Variants in ATP2C1 observed in about 807,000 individuals in gnomAD.
The protein encoded by ATP2C1 is calcium-transporting ATPase type 2C member 1.
A neutral mutation model predicts 120.5 loss-of-function variants in ATP2C1; 31 were observed. That is an observed-to-expected ratio of 0.26 (90% confidence interval 0.19 to 0.35). The LOEUF (loss-of-function observed/expected upper bound fraction) is 0.35, where lower values mean the gene tolerates loss of function less well. Among genes scored for constraint, ATP2C1 ranks in the 10% least tolerant of loss-of-function variants. The probability of loss-of-function intolerance (pLI) is 1.00; values close to 1 mark genes in which losing one functional copy is unlikely to be tolerated. For missense variants in ATP2C1, 731 were observed against 1,107.5 expected, an observed-to-expected ratio of 0.66 and a Z score of 4.83; for synonymous variants, 351 against 358.7, an observed-to-expected ratio of 0.98 and a Z score of 0.24.
exon 1 of ATP2C1, chr3:130,850,775 T>G (rs1462002869): frequency 1.1e-6 from 1 of 914,894 alleles, no homozygotes; most frequent in Non-Finnish European, 1.5e-6. Context: ...TTTCATATGG[T>G]TGCTGACAAG....
At chr3:130,990,995 T>G (rs1454896242) in intron 20 of ATP2C1, among the ~76,000 whole-genome samples, 3 of 152,172 alleles carry the variant, frequency 2.0e-5, no homozygotes, top group Admixed American at 6.5e-5. Context: ...AAGAAATGTC[T>G]GGGCTTGAGA....
Position 130,953,827 on chromosome 3 carries a change from G to T in ATP2C1, c.538G>T (p.Asp180Tyr), listed in dbSNP as rs1481194953. 3.1e-6 allele frequency: 5 copies of T among 1,613,986 alleles called. No homozygotes were observed. Among genetic ancestry groups the T allele is most frequent in the Non-Finnish European group, 3.4e-6 (4 of 1,179,920 alleles). Reference protein sequence around the residue: ...PADLRLFEAVDLSIDESSLTG... With the variant: ...PADLRLFEAVYLSIDESSLTG... Reference sequence around the variant, plus strand: ...ATTCTTTATGTTCCCTAAGGCTGTGGATCTTTCCATTGATGAGTCCAGCTT... The same window carrying T: ...ATTCTTTATGTTCCCTAAGGCTGTGTATCTTTCCATTGATGAGTCCAGCTT... The change falls in exon 9 of 28, where the codon GAT becomes TAT. Residue 180 changes from aspartate (D) to tyrosine (Y), a missense_variant. Asp to Tyr is a radical substitution (Grantham distance 160, BLOSUM62 -3). This residue lies in a region of ATP2C1 where 571 missense variants were observed against 845.9 expected (regional missense o/e 0.67). Transcript: ENST00000510168.
At chr3:130,877,068 T>A (rs773021372) in intron 1 of ATP2C1, among the ~76,000 whole-genome samples, 9 of 152,224 alleles carry the variant, frequency 5.9e-5, no homozygotes, top group Non-Finnish European at 1.0e-4. Flanking sequence ...ACAATTTGAC[T>A]TCCTGTTTTT....
Position 130,903,449 on chromosome 3 carries a change from G to T in ATP2C1, c.6+8674G>T, listed in dbSNP as rs534636457. Among the ~76,000 whole-genome samples the T allele has an allele frequency of 2.2e-4, 34 of 151,906 alleles. 1 individual carries two copies. Among genetic ancestry groups the T allele is most frequent in the Non-Finnish European group, 4.4e-4 (30 of 67,908 alleles). ...AGTTATTTAGGTCTGGAAGCACAGG[G>T]TGTTAAGAATGCCACCATAATGTCT... On this transcript the variant is annotated intron_variant, in intron 2 of 27. Coordinates refer to ENST00000510168, the MANE Select transcript of ATP2C1 (RefSeq NM_001378687.1).
chr3:130,910,384 C>T (rs1164674421), intron 2 of ATP2C1, among the ~76,000 whole-genome samples: 3 of 144,688 alleles, frequency 2.1e-5, no homozygotes, highest in Admixed American at 6.9e-5. Context: ...ACAATCATGT[C>T]GTCTGCAAAC....
At chr3:130,982,967 T>C (rs16835474) in intron 20 of ATP2C1, among the ~76,000 whole-genome samples, 9,461 of 152,260 alleles carry the variant, frequency 0.062, 945 homozygotes, top group African/African-American at 0.21. Context: ...TATACTGTTA[T>C]AATTCTGAAC....
In ATP2C1 at chr3:130,948,775, A is replaced by G. The variant is rs971874339; in HGVS notation, c.532-5046A>G. 9.9e-5 allele frequency among the ~76,000 whole-genome samples: 15 copies of G among 152,132 alleles called. 1 individual carries two copies. In the South Asian group the frequency reaches 1.2e-3, roughly 13 times the overall value. ...CTGTTGGCACCATTTTTCCAACAGC[A>G]TGGTGCTTACTTTGTATCTCTGTGT... On this transcript the variant is annotated intron_variant, in intron 8 of 27. Coordinates refer to ENST00000510168, the MANE Select transcript of ATP2C1 (RefSeq NM_001378687.1).
At chr3:130,902,757 C>T (rs1036275979) in intron 2 of ATP2C1, among the ~76,000 whole-genome samples, 1 of 151,816 alleles carries the variant, frequency 6.6e-6, no homozygotes, top group Non-Finnish European at 1.5e-5. Context: ...TTTTTAGGGT[C>T]TTCATTAGGT....
At chr3:130,905,930 A>G (rs1373389110) in intron 2 of ATP2C1, among the ~76,000 whole-genome samples, 3 of 152,054 alleles carry the variant, frequency 2.0e-5, no homozygotes, top group African/African-American at 7.2e-5. Context: ...CATAACTGTC[A>G]GTGCTTGAAA....
In ATP2C1 at chr3:130,955,024, G is replaced by C; in HGVS notation, c.700G>C (p.Gly234Arg). 1.2e-5 allele frequency: 19 copies of C among 1,612,254 alleles called. No homozygotes were observed. The highest frequency in any genetic ancestry group is 1.6e-5 in the Non-Finnish European group (19 of 1,178,632). The change falls in exon 10 of 28, where the codon GGA becomes CGA. Residue 234 changes from glycine (G) to arginine (R), a missense_variant. Physicochemically the swap from Gly to Arg is moderately radical, Grantham distance 125 (BLOSUM62 -2). Coordinates refer to ENST00000510168, the MANE Select transcript of ATP2C1 (RefSeq NM_001378687.1). ...RCGKAKGVVI[G>R]TGENSEFGEV... The stretch of plus-strand genomic sequence containing the variant: ...TTTTTCCCCTTAGGGTGTTGTCATT[G>C]GAACAGGAGAAAATTCTGAATTTGG...
At chr3:130,918,587 G>A in intron 2 of ATP2C1, 1 of 718,078 alleles carries the variant, frequency 1.4e-6, no homozygotes. Flanking sequence ...GCCATAAACT[G>A]TAGCCTTTTG....
chr3:131,001,380 A>C lies in ATP2C1; in HGVS notation c.*30A>C. 1 of 1,609,000 alleles carries C rather than the reference A, an allele frequency of 6.2e-7. No individual in the cohort carries two copies. The highest frequency in any genetic ancestry group is 8.5e-7 in the Non-Finnish European group (1 of 1,177,114). ...TATTGCATTATTTTATTTGCAAACTAGGAATTGCAGTCTGAGGATCATTTA... is the reference window on the plus strand; with the variant it reads ...TATTGCATTATTTTATTTGCAAACTCGGAATTGCAGTCTGAGGATCATTTA... On this transcript the variant is annotated 3_prime_UTR_variant, in exon 28 of 28. Transcript: ENST00000510168.
At chr3:131,006,635 TTGTGTGTGTGTGTGTGTGTG>T (rs3073260), downstream of ATP2C1, among the ~76,000 whole-genome samples, 1 of 147,238 alleles carries the variant, frequency 6.8e-6, no homozygotes, top group South Asian at 2.2e-4. Flanking sequence ...TAGTGTGTGT[TTGTGTGTGTGTGTGTGTGTG>T]TGTGTGTGTG....
intron 11 of ATP2C1, 41 bp from the exon 12 acceptor site, chr3:130,959,234 T>C (rs2060713690): frequency 2.8e-6 from 4 of 1,452,702 alleles, no homozygotes; most frequent in East Asian, 4.6e-5. Context: ...TCTAGGTGAT[T>C]GTATGTAAAA....
intron 6 of ATP2C1, among the ~76,000 whole-genome samples, chr3:130,937,973 A>G (rs1415792683): frequency 2.6e-5 from 4 of 152,230 alleles, no homozygotes; most frequent in Non-Finnish European, 4.4e-5. Flanking sequence ...TGCTGAATTT[A>G]TCACTTAACC....
chr3:130,988,950 TTTAAC>T (rs1161252545), intron 20 of ATP2C1, among the ~76,000 whole-genome samples: 1 of 152,054 alleles, frequency 6.6e-6, no homozygotes, highest in African/African-American at 2.4e-5. Context: ...ACCAAATTCT[TTTAAC>T]TTAATAAAAA....
intron 1 of ATP2C1, among the ~76,000 whole-genome samples, chr3:130,874,517 CCTATTAAT>C (rs1559875651): frequency 6.6e-6 from 1 of 152,326 alleles, no homozygotes; most frequent in East Asian, 1.9e-4. Context: ...AACATTTTAA[CCTATTAAT>C]CTAAACTAAA....
At chr3:130,984,049 T>C (rs566834132) in intron 20 of ATP2C1, among the ~76,000 whole-genome samples, 1 of 152,298 alleles carries the variant, frequency 6.6e-6, no homozygotes, top group East Asian at 1.9e-4. Context: ...AATCAGATCA[T>C]ATGGTAAGAG....
chr3:130,969,895 A>G (rs2061220307), intron 17 of ATP2C1, among the ~76,000 whole-genome samples: 1 of 152,212 alleles, frequency 6.6e-6, no homozygotes, highest in Non-Finnish European at 1.5e-5. Flanking sequence ...TTAAGCCGCC[A>G]CCTTGTTCCT....
Sources: gnomAD v4.1 joint callset for allele counts (sites outside exome capture counted in the v4.1 genomes callset) on GRCh38, gnomAD v4.1.1 for gene constraint, gnomAD v4.1.1 regional missense constraint, MANE v1.5 for transcripts, NCBI Gene and HGNC (gene_info 2026-07-23, HGNC 2026-07-21) for gene names.